OSTN: variants seen among roughly 807,000 people sequenced by gnomAD.
OSTN encodes the protein osteocrin.
In OSTN, 9 loss-of-function variants were observed where a neutral mutation model predicts 12.0. The ratio of observed to expected loss-of-function variants is 0.75; its 90% CI spans 0.45 to 1.30. The LOEUF is 1.30. Ranked by LOEUF, OSTN falls within the 50% of genes most tolerant of loss-of-function variation. The pLI is 0.00. For synonymous variants in OSTN, 59 were observed against 56.9 expected (o/e 1.04, Z -0.16); for missense variants, 148 against 152.3 (o/e 0.97, Z 0.15).
intron 4 of OSTN, among the ~76,000 whole-genome samples, chr3:191,258,575 G>C (rs1715728527): frequency 6.6e-6 from 1 of 151,578 alleles, no homozygotes; most frequent in African/African-American, 2.4e-5. Flanking sequence ...GGGTTGATGG[G>C]TGCAGCAAAT....
rs186695851 is a variant in OSTN, at chr3:191,203,012, G to A, written c.-1+3705G>A. ...GGAATGATTATTTGAGGTTAGTGAT[G>A]CATGTAACTTTCATTAGAATGAGAA... On this transcript the variant is annotated intron_variant, in intron 1 of 4. Transcript: ENST00000682035. 3.3e-5 allele frequency among the ~76,000 whole-genome samples: 5 copies of A among 152,336 alleles called. No individual in the cohort carries two copies. The East Asian group carries it at 7.7e-4, about 23-fold the overall frequency.
In OSTN at chr3:191,218,852, T is replaced by C. The variant is rs549582746; in HGVS notation, c.208T>C (p.Ser70Pro). ...ACTCTTGCTTCTTGATGAATTGGTGTCCCTAGAAAATGATGTGATTGAGAC... is the reference window on the plus strand; with the variant it reads ...ACTCTTGCTTCTTGATGAATTGGTGCCCCTAGAAAATGATGTGATTGAGAC... Reference protein sequence around the residue: ...AKLLLLDELVSLENDVIETKK... With the variant: ...AKLLLLDELVPLENDVIETKK... Residue 70 changes from serine (S) to proline (P), a missense_variant, in exon 3 of 5, where the codon TCC becomes CCC. Physicochemically the swap from Ser to Pro is moderately conservative, Grantham distance 74 (BLOSUM62 -1). Coordinates refer to ENST00000682035, the MANE Select transcript of OSTN (RefSeq NM_198184.2). The C allele has an allele frequency of 6.2e-7, 1 of 1,614,064 alleles. No homozygotes were observed. Among genetic ancestry groups the C allele is most frequent in the East Asian group, 2.2e-5 (1 of 44,880 alleles).
At chr3:191,243,617 CTGATA>C (rs1715368990) in intron 3 of OSTN, among the ~76,000 whole-genome samples, 1 of 152,054 alleles carries the variant, frequency 6.6e-6, no homozygotes, top group African/African-American at 2.4e-5. Context: ...ACAGTATGTT[CTGATA>C]TATGTACACA....
rs1265493098 is a variant in OSTN, at chr3:191,218,965, A to T, written c.317+4A>T. 1 of 1,593,560 alleles carries T rather than the reference A, an allele frequency of 6.3e-7. No homozygotes were observed. The highest frequency in any genetic ancestry group is 8.5e-7 in the Non-Finnish European group (1 of 1,172,410). Reference sequence around the variant, plus strand: ...TAGATCACAAAGGTAAACAGAGGTAAGTGAACTCAGAAAAAGAAAGTTTTT... The same window carrying T: ...TAGATCACAAAGGTAAACAGAGGTATGTGAACTCAGAAAAAGAAAGTTTTT... On this transcript the variant is annotated splice_donor_region_variant and intron_variant, in intron 3 of 4. Coordinates refer to ENST00000682035, the MANE Select transcript of OSTN (RefSeq NM_198184.2).
chr3:191,261,622 A>C (rs1365981164), intron 4 of OSTN, among the ~76,000 whole-genome samples: 1 of 152,244 alleles, frequency 6.6e-6, no homozygotes, highest in Non-Finnish European at 1.5e-5. Flanking sequence ...CCACTTCAAA[A>C]TATGTCAAGG....
At position 191,265,137 on chromosome 3, in the gene OSTN, A is replaced by G. The variant is rs1325637606; in HGVS notation, c.*2284A>G. 6.6e-6 allele frequency: 1 copy of G among 152,188 alleles called. No individual in the cohort carries two copies. The highest frequency in any genetic ancestry group is 1.5e-5 in the Non-Finnish European group (1 of 68,002). The allele number at this position is 152,188 out of a possible 1,614,324, so 9.4% of individuals were successfully genotyped here. ...TTAACATAGCAGTAAATTAAGACAG[A>G]ATTTTTGTTAAGAATATGACAAGTC... On this transcript the variant is annotated 3_prime_UTR_variant, in exon 5 of 5. Coordinates refer to ENST00000682035, the MANE Select transcript of OSTN (RefSeq NM_198184.2).
intron 1 of OSTN, among the ~76,000 whole-genome samples, chr3:191,210,355 G>C (rs938460483): frequency 6.6e-6 from 1 of 152,160 alleles, no homozygotes; most frequent in African/African-American, 2.4e-5. Context: ...CAAACACATT[G>C]AGGGCAAGGA....
intron 3 of OSTN, among the ~76,000 whole-genome samples, chr3:191,248,014 A>G (rs1238260692): frequency 1.3e-5 from 2 of 152,070 alleles, no homozygotes; most frequent in African/African-American, 4.8e-5. Flanking sequence ...TTGTATTTTT[A>G]GTAGAGATGG....
intron 1 of OSTN, among the ~76,000 whole-genome samples, chr3:191,206,228 A>G (rs1448583591): frequency 6.6e-6 from 1 of 152,088 alleles, no homozygotes; most frequent in Non-Finnish European, 1.5e-5. Flanking sequence ...TTTAAAATAA[A>G]TATATTACCA....
intron 3 of OSTN, among the ~76,000 whole-genome samples, chr3:191,249,434 T>C (rs1314774768): frequency 6.6e-6 from 1 of 152,216 alleles, no homozygotes; most frequent in Non-Finnish European, 1.5e-5. Context: ...CTTTTTATAC[T>C]TCATTTTAAT....
intron 1 of OSTN, among the ~76,000 whole-genome samples, chr3:191,211,472 C>T (rs1353601956): frequency 1.3e-5 from 2 of 152,150 alleles, no homozygotes; most frequent in African/African-American, 4.8e-5. Context: ...CTTTCAGATA[C>T]ATGTTGCATA....
chr3:191,218,740 CT>C lies in OSTN; in HGVS notation c.103-5del. ...AATTAACGGAATCGCCTTTCTCTGC[CT>C]TATAGGCCTTTGATTCTGGAGTCAT... is the stretch of plus-strand genomic sequence containing the variant. On this transcript the variant is annotated splice_polypyrimidine_tract_variant and splice_region_variant and intron_variant, in intron 2 of 4. Coordinates refer to ENST00000682035, the MANE Select transcript of OSTN (RefSeq NM_198184.2). The C allele has an allele frequency of 6.2e-7, 1 of 1,612,310 alleles. No individual in the cohort carries two copies. The highest frequency in any genetic ancestry group is 2.2e-5 in the East Asian group (1 of 44,838).
At chr3:191,218,304 ACT>A (rs1259530645) in intron 2 of OSTN, among the ~76,000 whole-genome samples, 1 of 151,922 alleles carries the variant, frequency 6.6e-6, no homozygotes, top group East Asian at 1.9e-4. Flanking sequence ...AAGATCTAGC[ACT>A]CTCTATGGAA....
At chr3:191,203,816 CTT>C (rs1009965430) in intron 1 of OSTN, among the ~76,000 whole-genome samples, 2 of 152,318 alleles carry the variant, frequency 1.3e-5, no homozygotes, top group African/African-American at 4.8e-5. Flanking sequence ...GGCTTTGTGA[CTT>C]TGGAAAATTT....
intron 3 of OSTN, among the ~76,000 whole-genome samples, chr3:191,246,476 C>T (rs910582391): frequency 1.4e-4 from 21 of 151,412 alleles, no homozygotes; most frequent in African/African-American, 4.4e-4. Context: ...CATGGTGGCA[C>T]GCACCTGTAA....
intron 4 of OSTN, among the ~76,000 whole-genome samples, chr3:191,252,815 A>G (rs529822042): frequency 1.2e-4 from 18 of 152,218 alleles, no homozygotes; most frequent in Non-Finnish European, 1.8e-4. Flanking sequence ...TTATATTTTT[A>G]TCTACTGTCA....
At position 191,262,878 on chromosome 3, in the gene OSTN, T is replaced by C; in HGVS notation, c.*25T>C. The C allele has an allele frequency of 1.4e-6, 1 of 702,306 alleles. No individual in the cohort carries two copies. Among genetic ancestry groups the C allele is most frequent in the South Asian group, 1.5e-5 (1 of 67,562 alleles). 43.5% of individuals were successfully genotyped at this position (702,306 alleles called of 1,614,324 possible). A position where few individuals can be genotyped will look rare whatever the true frequency, so the allele number is the denominator to read the frequency against. ...TTCGTTTTTGCAGATGCAACTTCCTTGGGTGAAATGTCACAGCAATATGGA... is the reference window on the plus strand; with the variant it reads ...TTCGTTTTTGCAGATGCAACTTCCTCGGGTGAAATGTCACAGCAATATGGA... On this transcript the variant is annotated 3_prime_UTR_variant, in exon 5 of 5. Transcript: ENST00000682035.
intron 3 of OSTN, among the ~76,000 whole-genome samples, chr3:191,244,193 G>T (rs1429876653): frequency 6.6e-6 from 1 of 151,962 alleles, no homozygotes; most frequent in African/African-American, 2.4e-5. Context: ...CTGTTTTTTG[G>T]AATGTAAAAT....
At chr3:191,251,019 C>A (rs1416801746) in intron 4 of OSTN, among the ~76,000 whole-genome samples, 1 of 152,104 alleles carries the variant, frequency 6.6e-6, no homozygotes, top group Admixed American at 6.5e-5. Context: ...TATTTAAATT[C>A]TCAAACACTC....
Sources: gnomAD v4.1 joint callset for allele counts (sites outside exome capture counted in the v4.1 genomes callset) on GRCh38, gnomAD v4.1.1 for gene constraint, MANE v1.5 for transcripts, NCBI Gene and HGNC (gene_info 2026-07-23, HGNC 2026-07-21) for gene names.